The following SLC1A7 variants were observed in gnomAD, a reference collection of about 807,000 sequenced individuals.
SLC1A7 encodes the protein excitatory amino acid transporter 5.
A neutral mutation model predicts 47.7 loss-of-function variants in SLC1A7; 40 were observed. That is an observed-to-expected ratio of 0.84 (90% CI 0.65 to 1.09). The LOEUF is 1.09. Among genes scored for constraint, SLC1A7 ranks in the 50% least tolerant of loss-of-function variants. The pLI is 0.00. For synonymous variants in SLC1A7, 323 were observed against 325.6 expected, an observed-to-expected ratio of 0.99 and a Z score of 0.09; for missense variants, 746 against 769.5, an observed-to-expected ratio of 0.97 and a Z score of 0.36.
At chr1:53,099,571 G>C (rs1644547571) in intron 5 of SLC1A7, among the ~76,000 whole-genome samples, 1 of 78,868 alleles carries the variant, frequency 1.3e-5, no homozygotes, top group African/African-American at 4.6e-5. Flanking sequence ...TCGGTACACT[G>C]ACACATACCA....
intron 3 of SLC1A7, among the ~76,000 whole-genome samples, chr1:53,109,570 T>A (rs959298016): frequency 4.6e-5 from 7 of 152,212 alleles, no homozygotes; most frequent in Non-Finnish European, 1.0e-4. Flanking sequence ...GTGTGCCTTA[T>A]GTCCCCACGC....
chr1:53,097,056 ACAAT>A (rs1278064090), intron 5 of SLC1A7, among the ~76,000 whole-genome samples: 2 of 144,696 alleles, frequency 1.4e-5, no homozygotes, highest in African/African-American at 5.2e-5. Flanking sequence ...CTGCCTCGGT[ACAAT>A]CACACGCACT....
chr1:53,087,750 C>A lies in SLC1A7; in HGVS notation c.*259G>T, dbSNP rs549179347. Reference sequence around the variant, plus strand: ...GATAACCCCTGCCTGCCGCCCTCACCGGGCTCACACCGGGGAAACTGTCAC... The same window carrying A: ...GATAACCCCTGCCTGCCGCCCTCACAGGGCTCACACCGGGGAAACTGTCAC... On this transcript the variant is annotated 3_prime_UTR_variant, in exon 11 of 11. Transcript: ENST00000371494. 23 of 333,062 alleles carry A rather than the reference C, an allele frequency of 6.9e-5. No individual in the cohort carries two copies. Among genetic ancestry groups the A allele is most frequent in the African/African-American group, 4.4e-4 (21 of 47,368 alleles). 20.6% of individuals were successfully genotyped at this position (333,062 alleles called of 1,614,324 possible). A position where few individuals can be genotyped will look rare whatever the true frequency, so the allele number is the denominator to read the frequency against.
intron 3 of SLC1A7, among the ~76,000 whole-genome samples, chr1:53,110,457 G>C (rs1057215079): frequency 1.3e-5 from 2 of 152,138 alleles, no homozygotes; most frequent in Admixed American, 6.5e-5. Flanking sequence ...GCTGGGGCGT[G>C]GGGGGTGCGG....
At chr1:53,132,460 A>G (rs1644951291) in intron 2 of SLC1A7, among the ~76,000 whole-genome samples, 1 of 152,154 alleles carries the variant, frequency 6.6e-6, no homozygotes, top group Admixed American at 6.5e-5. Context: ...GGCCCGATGG[A>G]AGACCTGGGT....
chr1:53,109,809 G>T (rs1644683590), intron 3 of SLC1A7, among the ~76,000 whole-genome samples: 2 of 152,182 alleles, frequency 1.3e-5, no homozygotes, highest in South Asian at 4.1e-4. Flanking sequence ...TCCTAAGATG[G>T]TGGGCAGCCC....
chr1:53,136,637 AAAAACATATATATAT>A (rs1645001345), intron 1 of SLC1A7, among the ~76,000 whole-genome samples: 2 of 108,058 alleles, frequency 1.9e-5, no homozygotes, highest in Non-Finnish European at 3.7e-5. Context: ...TATAATATAT[AAAAACATATATATAT>A]TATATATATA....
intron 2 of SLC1A7, among the ~76,000 whole-genome samples, chr1:53,133,069 G>A (rs1221904774): frequency 1.3e-5 from 2 of 152,178 alleles, no homozygotes; most frequent in African/African-American, 2.4e-5. Flanking sequence ...AGATGGAGGG[G>A]CAGAAAGCAG....
chr1:53,115,364 C>T, intron 2 of SLC1A7: 1 of 230,912 alleles, frequency 4.3e-6, no homozygotes, highest in South Asian at 7.1e-5. Flanking sequence ...CTGACCCCTG[C>T]CCAGCCAGGC....
At chr1:53,124,249 A>AACACACACACAC (rs67205575) in intron 2 of SLC1A7, among the ~76,000 whole-genome samples, 291 of 6,936 alleles carry the variant, frequency 0.042, no homozygotes, top group South Asian at 0.17. Context: ...ATACATACAC[A>AACACACACACAC]ACACACACAC....
intron 5 of SLC1A7, among the ~76,000 whole-genome samples, chr1:53,100,192 ACCTTGGTATACTCACACAC>A (rs879783987): frequency 0.21 from 30,600 of 147,592 alleles, 3,199 homozygotes; most frequent in Middle Eastern, 0.3. Flanking sequence ...CACACACCCC[ACCTTGGTATACTCACACAC>A]CCCACCTTGG....
At chr1:53,141,195 C>T (rs1645053196) in intron 1 of SLC1A7, among the ~76,000 whole-genome samples, 2 of 152,128 alleles carry the variant, frequency 1.3e-5, no homozygotes, top group Admixed American at 6.5e-5. Flanking sequence ...GGATCCCTCA[C>T]CCTCCAGCAT....
chr1:53,126,706 G>C (rs1279026596), intron 2 of SLC1A7, among the ~76,000 whole-genome samples: 1 of 152,238 alleles, frequency 6.6e-6, no homozygotes. Flanking sequence ...TTGGGCTTCT[G>C]ATCCCATCAG....
intron 1 of SLC1A7, among the ~76,000 whole-genome samples, chr1:53,136,548 T>TATATAAACATAAATA (rs1557693258): frequency 2.5e-5 from 1 of 40,422 alleles, no homozygotes; most frequent in East Asian, 7.7e-4. Context: ...ATATATATAA[T>TATATAAACATAAATA]ATATATAAAC....
rs146197658 is a variant in SLC1A7, at chr1:53,142,331, C to T, written c.119G>A (p.Arg40Gln). 1.0e-5 allele frequency: 16 copies of T among 1,562,972 alleles called. No individual in the cohort carries two copies. The highest frequency in any genetic ancestry group is 1.2e-5 in the Non-Finnish European group (14 of 1,153,158). ...GTGGCTGACCTGTGGTGAGAGGCGCCGGGTCCTCAAGAAGAAGCCGAGGAG... is the reference window on the plus strand; with the variant it reads ...GTGGCTGACCTGTGGTGAGAGGCGCTGGGTCCTCAAGAAGAAGCCGAGGAG... Reference protein sequence around the residue: ...GCLLGFFLRTRRLSPQEISYF... With the variant: ...GCLLGFFLRTQRLSPQEISYF... Residue 40 changes from arginine (R) to glutamine (Q), a missense_variant, in exon 1 of 11, where the codon CGG becomes CAG. Coordinates refer to ENST00000371494, the MANE Select transcript of SLC1A7 (RefSeq NM_006671.6).
intron 2 of SLC1A7, among the ~76,000 whole-genome samples, chr1:53,125,763 C>T (rs1007067774): frequency 3.3e-5 from 5 of 152,156 alleles, no homozygotes; most frequent in East Asian, 1.9e-4. Context: ...CCAGAGCGTG[C>T]GGGACCTGCG....
At chr1:53,112,068 T>C (rs550916526) in intron 3 of SLC1A7, among the ~76,000 whole-genome samples, 27 of 152,354 alleles carry the variant, frequency 1.8e-4, no homozygotes, top group African/African-American at 5.5e-4. Context: ...CCTTGTAACA[T>C]TGTGGTCCCT....
chr1:53,098,939 C>T (rs1333671493), intron 5 of SLC1A7, among the ~76,000 whole-genome samples: 1 of 151,516 alleles, frequency 6.6e-6, no homozygotes, highest in African/African-American at 2.4e-5. Context: ...CTCACACTGC[C>T]TTGGTACACT....
At chr1:53,123,330 GGGCT>G (rs1235446482) in intron 2 of SLC1A7, among the ~76,000 whole-genome samples, 1 of 152,236 alleles carries the variant, frequency 6.6e-6, no homozygotes, top group Non-Finnish European at 1.5e-5. Flanking sequence ...GCCCCGCACA[GGGCT>G]CAGGCGGGGC....
Sources: gnomAD v4.1 joint callset for allele counts (sites outside exome capture counted in the v4.1 genomes callset) on GRCh38, gnomAD v4.1.1 for gene constraint, MANE v1.5 for transcripts, NCBI Gene and HGNC (gene_info 2026-07-23, HGNC 2026-07-21) for gene names.